APBB2: variants seen among roughly 807,000 people sequenced by gnomAD.
APBB2 encodes Fe65-like 1.
In APBB2, 38 loss-of-function variants were observed where a neutral mutation model predicts 82.5. The observed-to-expected ratio is 0.46, with a 90% CI of 0.36 to 0.60. APBB2 has a LOEUF of 0.60. Among genes scored for constraint, APBB2 ranks in the 20% least tolerant of loss-of-function variants. APBB2 has a pLI of 0.00. For missense variants in APBB2, 772 were observed against 972.3 expected, an observed-to-expected ratio of 0.79 and a Z score of 2.74; for synonymous variants, 341 against 368.2, an observed-to-expected ratio of 0.93 and a Z score of 0.85.
chr4:41,076,134 G>C (rs929686900), intron 3 of APBB2, among the ~76,000 whole-genome samples: 1 of 152,212 alleles, frequency 6.6e-6, no homozygotes, highest in East Asian at 1.9e-4. Context: ...CCAATGATGA[G>C]TGAATTTTCA....
At chr4:41,174,965 C>G (rs1435390753) in intron 1 of APBB2, among the ~76,000 whole-genome samples, 1 of 152,164 alleles carries the variant, frequency 6.6e-6, no homozygotes, top group Non-Finnish European at 1.5e-5. Context: ...CCTGAGCGTT[C>G]CAGAATTCCT....
chr4:41,040,433 C>G (rs563347365), intron 4 of APBB2, among the ~76,000 whole-genome samples: 4 of 152,296 alleles, frequency 2.6e-5, no homozygotes, highest in African/African-American at 9.6e-5. Context: ...ATGTGCCAGG[C>G]ATTGTGCTAA....
At chr4:41,066,456 C>T (rs908904767) in intron 3 of APBB2, among the ~76,000 whole-genome samples, 2 of 152,176 alleles carry the variant, frequency 1.3e-5, no homozygotes, top group African/African-American at 2.4e-5. Context: ...ATCTCTATCT[C>T]TAAGGAAAGT....
chr4:41,161,525 G>T (rs1031730319), intron 1 of APBB2, among the ~76,000 whole-genome samples: 3 of 152,194 alleles, frequency 2.0e-5, no homozygotes, highest in Non-Finnish European at 4.4e-5. Flanking sequence ...AGGATTGTTT[G>T]AGCTCAGGAA....
chr4:41,012,126 A>T (rs1032077970), intron 6 of APBB2, among the ~76,000 whole-genome samples: 1 of 152,214 alleles, frequency 6.6e-6, no homozygotes, highest in African/African-American at 2.4e-5. Flanking sequence ...AAGTGCTGGG[A>T]TTACAGGCAT....
chr4:41,047,011 A>G (rs1433897187), intron 4 of APBB2, among the ~76,000 whole-genome samples: 1 of 152,228 alleles, frequency 6.6e-6, no homozygotes, highest in Non-Finnish European at 1.5e-5. Flanking sequence ...TGGTAGTGAG[A>G]ACAGTTGAGA....
intron 6 of APBB2, among the ~76,000 whole-genome samples, chr4:40,947,988 A>C (rs1788915944): frequency 6.6e-6 from 1 of 152,202 alleles, no homozygotes; most frequent in South Asian, 2.1e-4. Context: ...ATTCTAAAGA[A>C]ATCAGTTCTA....
intron 1 of APBB2, among the ~76,000 whole-genome samples, chr4:41,195,712 T>C: frequency 6.6e-6 from 1 of 152,028 alleles, no homozygotes; most frequent in Admixed American, 6.6e-5. Flanking sequence ...CCTTCAGCCC[T>C]ACCCTTAGAT....
chr4:41,201,611 C>T (rs1200706796), intron 1 of APBB2, among the ~76,000 whole-genome samples: 1 of 152,092 alleles, frequency 6.6e-6, no homozygotes, highest in Admixed American at 6.5e-5. Flanking sequence ...AGCTGTTCAC[C>T]TCAGGGCACC....
chr4:41,123,101 GCTCTCT>G (rs150789404), intron 2 of APBB2, among the ~76,000 whole-genome samples: 1 of 148,852 alleles, frequency 6.7e-6, no homozygotes, highest in African/African-American at 2.5e-5. Flanking sequence ...TCTTGCCCCA[GCTCTCT>G]CTCTCTCTCT....
Position 40,944,884 on chromosome 4 carries a change from G to A in APBB2, c.1025C>T (p.Ser342Phe), listed in dbSNP as rs1168526873. 1 of 1,612,922 alleles carries A rather than the reference G, an allele frequency of 6.2e-7. No homozygotes were observed. Among genetic ancestry groups the A allele is most frequent in the African/African-American group, 1.3e-5 (1 of 74,894 alleles). ...RKGSLSSVTP[S>F]PTPENEKQPW... ...TTTTACCTCGTTCTCTGGGGTGGGAGATGGCGTTACAGAACTAAGTGACCC... is the reference window on the plus strand; with the variant it reads ...TTTTACCTCGTTCTCTGGGGTGGGAAATGGCGTTACAGAACTAAGTGACCC... Residue 342 changes from serine (S) to phenylalanine (F), a missense_variant, in exon 7 of 18, where the codon TCT becomes TTT. By Grantham distance (155) the Ser-to-Phe change is radical. Coordinates refer to ENST00000508593, the MANE Select transcript of APBB2 (RefSeq NM_004307.2).
At chr4:41,063,678 CT>C (rs1417635619) in intron 4 of APBB2, among the ~76,000 whole-genome samples, 2 of 151,944 alleles carry the variant, frequency 1.3e-5, no homozygotes, top group African/African-American at 4.8e-5. Flanking sequence ...TCTAACTTTG[CT>C]TTCTTTTTTC....
intron 10 of APBB2, among the ~76,000 whole-genome samples, chr4:40,910,218 C>T (rs549643412): frequency 1.3e-4 from 19 of 151,494 alleles, no homozygotes; most frequent in African/African-American, 4.4e-4. Context: ...TCCGCCGCCT[C>T]GGCCTCCTAA....
chr4:41,087,338 C>T (rs919087992), intron 3 of APBB2, among the ~76,000 whole-genome samples: 1 of 152,144 alleles, frequency 6.6e-6, no homozygotes, highest in African/African-American at 2.4e-5. Context: ...TTAAAAGTTA[C>T]CAACAATCAC....
intron 3 of APBB2, among the ~76,000 whole-genome samples, chr4:41,068,130 G>T (rs1732571483): frequency 6.6e-6 from 1 of 152,212 alleles, no homozygotes; most frequent in African/African-American, 2.4e-5. Flanking sequence ...CCCAGTGGAT[G>T]CCTGAAATCA....
intron 1 of APBB2, among the ~76,000 whole-genome samples, chr4:41,187,982 T>G (rs747540619): frequency 2.7e-4 from 41 of 152,230 alleles, no homozygotes; most frequent in Non-Finnish European, 4.0e-4. Context: ...TCATTACTCC[T>G]TAACTCTTTC....
chr4:40,862,319 A>G (rs1264110045), intron 12 of APBB2, among the ~76,000 whole-genome samples: 2 of 152,248 alleles, frequency 1.3e-5, no homozygotes, highest in African/African-American at 4.8e-5. Flanking sequence ...AATTTGAACT[A>G]TCCTTAAATA....
chr4:40,860,502 T>C (rs1409998073), intron 12 of APBB2, among the ~76,000 whole-genome samples: 2 of 152,188 alleles, frequency 1.3e-5, no homozygotes, highest in East Asian at 3.8e-4. Flanking sequence ...AGAGGACAAC[T>C]GAAGGCTCAG....
At chr4:40,964,506 A>G (rs995896023) in intron 6 of APBB2, among the ~76,000 whole-genome samples, 2 of 152,144 alleles carry the variant, frequency 1.3e-5, no homozygotes, top group African/African-American at 4.8e-5. Flanking sequence ...TGGCCCAGCA[A>G]TATCGAGAGT....
Sources: allele counts gnomAD v4.1 joint callset (sites outside exome capture counted in the v4.1 genomes callset), GRCh38; gene constraint gnomAD v4.1.1; transcripts MANE v1.5; gene names NCBI Gene and HGNC (gene_info 2026-07-23, HGNC 2026-07-21).